FARP2: variants seen among roughly 807,000 people sequenced by gnomAD.
The protein encoded by FARP2 is FERM, ARH/RhoGEF and pleckstrin domain protein 2.
FARP2 carries 111 observed loss-of-function variants against 130.5 expected under a neutral mutation model. The ratio of observed to expected loss-of-function variants is 0.85; its 90% confidence interval spans 0.73 to 1.00. The LOEUF (loss-of-function observed/expected upper bound fraction) is 1.00. Among genes scored for constraint, FARP2 ranks in the 50% least tolerant of loss-of-function variants. The pLI, the probability that FARP2 is intolerant of heterozygous loss-of-function variation, is 0.00. For synonymous variants in FARP2, 504 were observed against 516.9 expected, an observed-to-expected ratio of 0.98 and a Z score of 0.34; for missense variants, 1,385 against 1,346.3, an observed-to-expected ratio of 1.03 and a Z score of -0.45.
intron 13 of FARP2, among the ~76,000 whole-genome samples, chr2:241,454,580 TC>T (rs2150449315): frequency 6.6e-6 from 1 of 152,270 alleles, no homozygotes; most frequent in East Asian, 1.9e-4. Context: ...TAAGAAGTAA[TC>T]CACGCTTCAG....
intron 17 of FARP2, chr2:241,466,532 G>A: frequency 1.0e-6 from 1 of 985,436 alleles, no homozygotes; most frequent in Middle Eastern, 5.2e-4. Flanking sequence ...GCCCATCATG[G>A]GCATCGGCAG....
intron 8 of FARP2, among the ~76,000 whole-genome samples, chr2:241,431,251 T>C (rs1032487717): frequency 6.6e-6 from 1 of 152,108 alleles, no homozygotes; most frequent in Non-Finnish European, 1.5e-5. Flanking sequence ...GTGTTCCAGA[T>C]GTGCCTCGAG....
At chr2:241,439,679 GGACAGGCACAGT>G (rs1164352450) in intron 12 of FARP2, among the ~76,000 whole-genome samples, 1 of 152,132 alleles carries the variant, frequency 6.6e-6, no homozygotes, top group Non-Finnish European at 1.5e-5. Context: ...TTACCTTTAA[GGACAGGCACAGT>G]GACTCAACAG....
chr2:241,433,130 A>T (rs2063134115), intron 9 of FARP2, among the ~76,000 whole-genome samples: 1 of 94,632 alleles, frequency 1.1e-5, no homozygotes. Flanking sequence ...CTCTGTAAGT[A>T]AAAAAAAAAA....
intron 10 of FARP2, 38 bp from the exon 11 acceptor site, chr2:241,434,920 GACTT>G (rs1559766138): frequency 8.6e-7 from 1 of 1,164,748 alleles, no homozygotes; most frequent in Admixed American, 1.9e-5. Flanking sequence ...AATTAATGCT[GACTT>G]ACTGTTCTTT....
Position 241,407,519 on chromosome 2 carries a change from T to A in FARP2, c.332-18T>A. 6.2e-7 allele frequency: 1 copy of A among 1,605,370 alleles called. No individual in the cohort carries two copies. Among genetic ancestry groups the A allele is most frequent in the African/African-American group, 1.3e-5 (1 of 74,874 alleles). On this transcript the variant is annotated intron_variant, in intron 4 of 26. Transcript: ENST00000264042. ...AAAGATCGGCCTTATTTGTGAAGTTTAAATTTTTTTGTTATAGGGCCAAAG... is the reference window on the plus strand; with the variant it reads ...AAAGATCGGCCTTATTTGTGAAGTTAAAATTTTTTTGTTATAGGGCCAAAG...
In FARP2 at chr2:241,441,516, G is replaced by A. The variant is rs201308138; in HGVS notation, c.1371G>A (p.Ser457=). The part of the protein sequence containing the change: ...GAVAGGPDTP[S]AQPLGPPALQ... ...TGGCTGGAGGCCCCGACACACCATC[G>A]GCCCAGCCCCTCGGGCCCCCCGCAC... The change falls in exon 13 of 27, where the codon TCG becomes TCA. Residue 457 remains serine, a synonymous_variant. Coordinates refer to ENST00000264042, the MANE Select transcript of FARP2 (RefSeq NM_014808.4). The A allele has an allele frequency of 4.3e-5, 70 of 1,614,054 alleles. No individual in the cohort carries two copies. The East Asian group carries it at 1.0e-3, about 23-fold the overall frequency.
intron 8 of FARP2, among the ~76,000 whole-genome samples, chr2:241,430,730 C>T (rs1184586157): frequency 1.3e-5 from 2 of 152,122 alleles, no homozygotes; most frequent in African/African-American, 2.4e-5. Flanking sequence ...ATTAGCCAGG[C>T]ACAGTGGGTC....
At chr2:241,373,425 C>T (rs2061466098) in intron 2 of FARP2, 135 bp downstream of exon 2, 12 of 484,308 alleles carry the variant, frequency 2.5e-5, no homozygotes, top group Non-Finnish European at 4.2e-5. Context: ...ATGAGAAAAT[C>T]CTTAGAAACA....
chr2:241,365,345 A>G (rs1233079043), intron 1 of FARP2, among the ~76,000 whole-genome samples: 1 of 152,230 alleles, frequency 6.6e-6, no homozygotes, highest in Non-Finnish European at 1.5e-5. Flanking sequence ...CATTTTATCC[A>G]TAAATGCTTT....
chr2:241,362,236 G>T (rs1283787513), intron 1 of FARP2, among the ~76,000 whole-genome samples: 2 of 152,072 alleles, frequency 1.3e-5, no homozygotes, highest in Non-Finnish European at 2.9e-5. Flanking sequence ...TGTTAGTATA[G>T]TAGTTAATAA....
At chr2:241,453,419 G>C (rs529307949) in intron 13 of FARP2, among the ~76,000 whole-genome samples, 7 of 151,808 alleles carry the variant, frequency 4.6e-5, no homozygotes, top group Non-Finnish European at 1.0e-4. Flanking sequence ...TCAGGAGATC[G>C]AGACCATCCT....
intron 2 of FARP2, among the ~76,000 whole-genome samples, chr2:241,398,033 A>G (rs1019369681): frequency 2.0e-5 from 3 of 151,296 alleles, no homozygotes; most frequent in Non-Finnish European, 4.4e-5. Flanking sequence ...GGGTTTCACC[A>G]TGTTAGCCAG....
intron 14 of FARP2, among the ~76,000 whole-genome samples, chr2:241,460,369 A>G (rs551614212): frequency 5.3e-5 from 8 of 151,914 alleles, no homozygotes; most frequent in Admixed American, 2.0e-4. Flanking sequence ...GCAGCCTTGT[A>G]CTTCTGTGCC....
intron 13 of FARP2, 87 bp downstream of exon 13, chr2:241,441,643 A>G (rs1355415013): frequency 1.3e-6 from 2 of 1,566,080 alleles, no homozygotes; most frequent in Non-Finnish European, 1.8e-6. Context: ...AGACACAGGG[A>G]GGGCCGGTAG....
chr2:241,493,584 A>G (rs1188041942), intron 26 of FARP2, 140 bp downstream of exon 26: 1 of 723,502 alleles, frequency 1.4e-6, no homozygotes, highest in Non-Finnish European at 2.3e-6. Flanking sequence ...TTTCCAAAAA[A>G]CAGCAATGCT....
intron 2 of FARP2, among the ~76,000 whole-genome samples, chr2:241,400,241 A>G (rs3755399): frequency 0.17 from 26,406 of 151,430 alleles, 2,702 homozygotes; most frequent in Admixed American, 0.35. Context: ...GGGTACAGCT[A>G]AGAGAATTTC....
intron 15 of FARP2, among the ~76,000 whole-genome samples, 194 bp downstream of exon 15, chr2:241,462,806 C>T (rs2064059589): frequency 6.6e-6 from 1 of 152,140 alleles, no homozygotes; most frequent in South Asian, 2.1e-4. Flanking sequence ...TCTTCTGCCT[C>T]AGCCTCCCTA....
Position 241,463,756 on chromosome 2 carries a change from G to C in FARP2, c.1812-143G>C. 3.9e-6 allele frequency: 3 copies of C among 762,354 alleles called. No individual in the cohort carries two copies. In the South Asian group the frequency reaches 5.1e-5, roughly 13 times the overall value. The allele number at this position is 762,354 out of a possible 1,614,324, so 47.2% of individuals were successfully genotyped here. A position where few individuals can be genotyped will look rare whatever the true frequency, so the allele number is the denominator to read the frequency against. ...TAATAGCAGCTTCCATCCAGGGCAG[G>C]CCCTGCCCTGCGGCCTCTTCCACCT... On this transcript the variant is annotated intron_variant, in intron 16 of 26. Coordinates refer to ENST00000264042, the MANE Select transcript of FARP2 (RefSeq NM_014808.4).
Sources: allele counts gnomAD v4.1 joint callset (sites outside exome capture counted in the v4.1 genomes callset), GRCh38; gene constraint gnomAD v4.1.1; transcripts MANE v1.5; gene names NCBI Gene and HGNC (gene_info 2026-07-23, HGNC 2026-07-21).